Variants in DNAH7 observed in about 807,000 individuals in gnomAD.
The protein encoded by DNAH7 is dynein axonemal heavy chain 7.
A neutral mutation model predicts 444.6 loss-of-function variants in DNAH7; 397 were observed. The observed-to-expected ratio is 0.89, with a 90% confidence interval of 0.82 to 0.97. DNAH7 has a LOEUF of 0.97. Ranked by LOEUF, DNAH7 falls within the 50% of genes least tolerant of loss-of-function variation. The pLI is 0.00. For missense variants in DNAH7, 4,902 were observed against 4,800.8 expected (o/e 1.02, Z -0.62); for synonymous variants, 1,636 against 1,624.4 (o/e 1.01, Z -0.17).
intron 60 of DNAH7, among the ~76,000 whole-genome samples, 197 bp downstream of exon 60, chr2:195,775,649 A>T (rs768389671): frequency 5.5e-5 from 2 of 36,518 alleles, no homozygotes; most frequent in Admixed American, 4.1e-4. Context: ...AAGATAGATG[A>T]AAAAAAAAAA....
rs201795808 is a variant in DNAH7 at position 196,004,779 on chromosome 2, G to GTC, written c.990-2923_990-2922dup. Among the ~76,000 whole-genome samples, 368 of 130,180 alleles carry GTC rather than the reference G, an allele frequency of 2.8e-3. 1 individual carries two copies. The highest frequency in any genetic ancestry group is 7.4e-3 in the Middle Eastern group (2 of 270). 85.4% of individuals were successfully genotyped at this position (130,180 alleles called of 152,430 possible). A position where few individuals can be genotyped will look rare whatever the true frequency, so the allele number is the denominator to read the frequency against. On this transcript the variant is annotated intron_variant, in intron 10 of 64. Coordinates refer to ENST00000312428, the MANE Select transcript of DNAH7 (RefSeq NM_018897.3). ...AGCCTGGACAACATGGTGAGGGTCT[G>GTC]TCTCACACACACACACACACACACA...
At chr2:195,958,882 A>G (rs1487871859) in intron 18 of DNAH7, among the ~76,000 whole-genome samples, 1 of 152,182 alleles carries the variant, frequency 6.6e-6, no homozygotes, top group Non-Finnish European at 1.5e-5. Context: ...GATAATAAAC[A>G]ATAGAGCCAA....
At chr2:196,061,279 C>T (rs1308862437) in intron 1 of DNAH7, among the ~76,000 whole-genome samples, 1 of 152,016 alleles carries the variant, frequency 6.6e-6, no homozygotes, top group African/African-American at 2.4e-5. Context: ...CCCCATCCAG[C>T]CCAAATATTT....
intron 19 of DNAH7, among the ~76,000 whole-genome samples, chr2:195,948,325 GT>G (rs1444535482): frequency 6.6e-6 from 1 of 152,192 alleles, no homozygotes; most frequent in Non-Finnish European, 1.5e-5. Flanking sequence ...TTTGGCTTGT[GT>G]TGCCATTGCT....
intron 1 of DNAH7, among the ~76,000 whole-genome samples, chr2:196,062,583 T>C (rs1698189479): frequency 6.6e-6 from 1 of 152,196 alleles, no homozygotes; most frequent in South Asian, 2.1e-4. Flanking sequence ...AATGCCTCCA[T>C]CTTCCTGTAA....
At chr2:195,749,749 G>A (rs1175852776) in intron 63 of DNAH7, among the ~76,000 whole-genome samples, 5 of 150,500 alleles carry the variant, frequency 3.3e-5, no homozygotes, top group East Asian at 2.0e-4. Flanking sequence ...ACCAAACACC[G>A]CGTATTCTCA....
intron 21 of DNAH7, among the ~76,000 whole-genome samples, chr2:195,928,592 T>C (rs1574797205): frequency 6.6e-6 from 1 of 152,250 alleles, no homozygotes; most frequent in African/African-American, 2.4e-5. Context: ...TGGGCCGTTA[T>C]CACACAAAAA....
At chr2:196,007,799 T>C (rs941584296) in intron 10 of DNAH7, among the ~76,000 whole-genome samples, 18 of 152,300 alleles carry the variant, frequency 1.2e-4, no homozygotes, top group Admixed American at 5.9e-4. Flanking sequence ...TCCCCAGCCA[T>C]GTGGAACTGT....
At chr2:195,993,185 G>A (rs1426839373) in intron 12 of DNAH7, among the ~76,000 whole-genome samples, 3 of 152,022 alleles carry the variant, frequency 2.0e-5, no homozygotes, top group African/African-American at 7.3e-5. Context: ...CTTTCCAATG[G>A]GTCACTCCTG....
chr2:196,065,068 T>A (rs756817316), intron 1 of DNAH7, among the ~76,000 whole-genome samples: 3 of 152,164 alleles, frequency 2.0e-5, no homozygotes, highest in Non-Finnish European at 2.9e-5. Context: ...TTACTATGAT[T>A]CCTGATAGGT....
chr2:195,894,537 T>C (rs1702194546), intron 30 of DNAH7: 1 of 152,442 alleles, frequency 6.6e-6, no homozygotes, highest in African/African-American at 2.4e-5. Flanking sequence ...AAATGTGATG[T>C]GTATAAGAAT....
At chr2:195,821,498 G>A (rs943843188) in intron 49 of DNAH7, among the ~76,000 whole-genome samples, 5 of 152,144 alleles carry the variant, frequency 3.3e-5, no homozygotes, top group African/African-American at 9.7e-5. Flanking sequence ...ACAAACATAA[G>A]CCATGTCTGT....
rs1390646631 is a variant in DNAH7 at position 195,988,032 on chromosome 2, A to G, written c.1551T>C (p.His517=). The G allele has an allele frequency of 1.2e-6, 2 of 1,613,340 alleles. No individual in the cohort carries two copies. The highest frequency in any genetic ancestry group is 2.2e-5 in the East Asian group (1 of 44,826). Residue 517 remains histidine (H), a synonymous_variant, in exon 13 of 65, where the codon CAT becomes CAC. Transcript: ENST00000312428. Reference sequence around the variant, plus strand: ...TTTCATCTATTATTTTTTCATAACTATGATTTTCTGCGAGGAAGTTATCAA... The same window carrying G: ...TTTCATCTATTATTTTTTCATAACTGTGATTTTCTGCGAGGAAGTTATCAA... ...RDVDNFLAEN[H]SYEKIIDEIC...
chr2:195,922,275 T>G (rs894291478), intron 23 of DNAH7, 78 bp from the exon 24 acceptor site: 1 of 833,364 alleles, frequency 1.2e-6, no homozygotes, highest in Non-Finnish European at 2.0e-6. Flanking sequence ...TAATAAGTAA[T>G]AACCATAATA....
chr2:195,793,907 C>A (rs1696013713), intron 57 of DNAH7, among the ~76,000 whole-genome samples: 1 of 152,040 alleles, frequency 6.6e-6, no homozygotes, highest in Non-Finnish European at 1.5e-5. Flanking sequence ...CCTTATGAGT[C>A]CCATCAATCA....
chr2:195,872,066 T>C (rs911074053), intron 40 of DNAH7, among the ~76,000 whole-genome samples, 184 bp downstream of exon 40: 1 of 151,552 alleles, frequency 6.6e-6, no homozygotes, highest in Non-Finnish European at 1.5e-5. Flanking sequence ...TAAAGCATTT[T>C]AAACATCATA....
intron 3 of DNAH7, among the ~76,000 whole-genome samples, chr2:196,048,922 G>C (rs1295052073): frequency 1.3e-5 from 2 of 152,112 alleles, no homozygotes; most frequent in Non-Finnish European, 2.9e-5. Context: ...TGGCACTCAG[G>C]CTCCATGTTG....
intron 41 of DNAH7, among the ~76,000 whole-genome samples, chr2:195,863,379 T>C (rs1700134517): frequency 6.6e-6 from 1 of 152,214 alleles, no homozygotes; most frequent in South Asian, 2.1e-4. Flanking sequence ...TGCATTGTGA[T>C]ATGCTGTTAA....
intron 10 of DNAH7, among the ~76,000 whole-genome samples, chr2:196,009,348 G>T (rs747905361): frequency 8.5e-5 from 13 of 152,130 alleles, no homozygotes; most frequent in Non-Finnish European, 1.2e-4. Context: ...TATGGTAAAT[G>T]AATTATTTCT....
Sources: gnomAD v4.1 joint callset for allele counts (sites outside exome capture counted in the v4.1 genomes callset) on GRCh38, gnomAD v4.1.1 for gene constraint, MANE v1.5 for transcripts, NCBI Gene and HGNC (gene_info 2026-07-23, HGNC 2026-07-21) for gene names.